CADPS2: variants seen among roughly 807,000 people sequenced by gnomAD.
CADPS2 encodes the protein calcium dependent secretion activator 2.
CADPS2 carries 93 observed loss-of-function variants against 172.5 expected under a neutral mutation model. The ratio of observed to expected loss-of-function variants is 0.54; its 90% CI spans 0.46 to 0.64. CADPS2 has a LOEUF of 0.64. Ranked by LOEUF, CADPS2 falls within the 30% of genes least tolerant of loss-of-function variation. The pLI is 0.00. For synonymous variants in CADPS2, 546 were observed against 555.2 expected, an observed-to-expected ratio of 0.98 and a Z score of 0.23; for missense variants, 1,420 against 1,565.9, an observed-to-expected ratio of 0.91 and a Z score of 1.57.
In CADPS2 at chr7:122,574,246, G is replaced by A. The variant is rs538252971; in HGVS notation, c.1335+6933C>T. ...GGATTTCTTGAGTTCAGGAGTTTGA[G>A]ACCACTCTTGGCAACATAGTAAATC... On this transcript the variant is annotated intron_variant, in intron 7 of 29. Transcript: ENST00000449022. 2.6e-5 allele frequency among the ~76,000 whole-genome samples: 4 copies of A among 151,696 alleles called. No homozygotes were observed. In the South Asian group the frequency reaches 8.3e-4, roughly 32 times the overall value.
intron 20 of CADPS2, among the ~76,000 whole-genome samples, chr7:122,394,572 T>C (rs543108824): frequency 6.6e-6 from 1 of 152,216 alleles, no homozygotes; most frequent in Admixed American, 6.5e-5. Context: ...CAGAAGAACC[T>C]TCCATGGAAG....
At chr7:122,418,036 G>C (rs1377239688) in intron 17 of CADPS2, among the ~76,000 whole-genome samples, 5 of 152,080 alleles carry the variant, frequency 3.3e-5, no homozygotes, top group African/African-American at 1.2e-4. Flanking sequence ...TGGGCCCGGT[G>C]GTGGGCACGT....
At chr7:122,836,830 G>A (rs185605763) in intron 1 of CADPS2, among the ~76,000 whole-genome samples, 145 of 152,210 alleles carry the variant, frequency 9.5e-4, no homozygotes, top group African/African-American at 3.2e-3. Flanking sequence ...ATAATAATGG[G>A]AGACTTTAAC....
At chr7:122,644,752 A>G (rs2078114989) in intron 3 of CADPS2, among the ~76,000 whole-genome samples, 1 of 152,112 alleles carries the variant, frequency 6.6e-6, no homozygotes, top group East Asian at 1.9e-4. Context: ...TTCATACAAC[A>G]AAAAGAACAT....
chr7:122,365,547 C>T (rs182773565), intron 25 of CADPS2, among the ~76,000 whole-genome samples: 112 of 152,298 alleles, frequency 7.4e-4, no homozygotes, highest in Non-Finnish European at 1.4e-3. Flanking sequence ...GGTTTAGTTG[C>T]TGCATCTTTA....
At chr7:122,566,083 A>T (rs1026034308) in intron 7 of CADPS2, among the ~76,000 whole-genome samples, 1 of 152,166 alleles carries the variant, frequency 6.6e-6, no homozygotes, top group Non-Finnish European at 1.5e-5. Flanking sequence ...AATGTCTCCC[A>T]GCTTGATTAA....
In CADPS2 at chr7:122,373,656, G is replaced by A. The variant is rs115723003; in HGVS notation, c.3387+5712C>T. 3.7e-3 allele frequency among the ~76,000 whole-genome samples: 566 copies of A among 151,914 alleles called. 5 individuals are homozygous for A. The highest frequency in any genetic ancestry group is 0.012 in the African/African-American group (508 of 41,434). ...TGCAGATACCAATGTAAGGCTACAGGGATCATGAAGAATCAGGGAAACATG... is the reference window on the plus strand; with the variant it reads ...TGCAGATACCAATGTAAGGCTACAGAGATCATGAAGAATCAGGGAAACATG... On this transcript the variant is annotated intron_variant, in intron 25 of 29. Coordinates refer to ENST00000449022, the MANE Select transcript of CADPS2 (RefSeq NM_017954.11).
chr7:122,731,915 T>C (rs1028574619), intron 2 of CADPS2, among the ~76,000 whole-genome samples: 15 of 151,888 alleles, frequency 9.9e-5, no homozygotes, highest in Admixed American at 2.6e-4. Context: ...TGTGAGAATA[T>C]TGAAGAAATT....
At chr7:122,334,014 T>A (rs1045110755) in intron 28 of CADPS2, among the ~76,000 whole-genome samples, 1 of 151,998 alleles carries the variant, frequency 6.6e-6, no homozygotes, top group African/African-American at 2.4e-5. Flanking sequence ...AGAAAAATAA[T>A]TAAATACACG....
At chr7:122,556,892 G>C (rs544042875) in intron 7 of CADPS2, among the ~76,000 whole-genome samples, 8 of 151,860 alleles carry the variant, frequency 5.3e-5, no homozygotes, top group Admixed American at 6.6e-5. Context: ...TCTTCCTATT[G>C]CTCTTCTTTC....
chr7:122,484,019 C>T (rs982638793), intron 11 of CADPS2, among the ~76,000 whole-genome samples: 25 of 151,984 alleles, frequency 1.6e-4, no homozygotes, highest in Admixed American at 9.8e-4. Flanking sequence ...ATTAAGAAGT[C>T]AGTTTTCCAA....
intron 8 of CADPS2, among the ~76,000 whole-genome samples, chr7:122,529,729 A>AT (rs2061595702): frequency 4.6e-5 from 7 of 152,076 alleles, no homozygotes; most frequent in Admixed American, 4.6e-4. Context: ...AAGGTATGTT[A>AT]TTTTTCCACA....
intron 1 of CADPS2, among the ~76,000 whole-genome samples, chr7:122,837,275 A>G (rs1308169696): frequency 1.3e-5 from 2 of 152,236 alleles, no homozygotes; most frequent in African/African-American, 4.8e-5. Context: ...ACACATTTAA[A>G]GCAGTGGGTA....
At position 122,792,856 on chromosome 7, in the gene CADPS2, T is replaced by C. The variant is rs989732080; in HGVS notation, c.340-55788A>G. On this transcript the variant is annotated intron_variant, in intron 1 of 29. Coordinates refer to ENST00000449022, the MANE Select transcript of CADPS2 (RefSeq NM_017954.11). The stretch of plus-strand genomic sequence containing the variant: ...ACTAACTGCTCACCTAATAGCACTA[T>C]GCTTCTGGCAACTTCTAGTTCAATA... Among the ~76,000 whole-genome samples, 4 of 152,314 alleles carry C rather than the reference T, an allele frequency of 2.6e-5. No homozygotes were observed. In the South Asian group the frequency reaches 6.2e-4, roughly 24 times the overall value.
intron 12 of CADPS2, among the ~76,000 whole-genome samples, chr7:122,477,652 C>T (rs535871655): frequency 1.9e-4 from 29 of 151,880 alleles, no homozygotes; most frequent in African/African-American, 6.5e-4. Context: ...GGCTGAAATG[C>T]TTTTTTAGTA....
intron 1 of CADPS2, among the ~76,000 whole-genome samples, chr7:122,875,860 G>A (rs904310607): frequency 6.6e-6 from 1 of 152,122 alleles, no homozygotes; most frequent in African/African-American, 2.4e-5. Context: ...AATCCTAAAA[G>A]AGAAGCTAGA....
chr7:122,476,613 G>A (rs2056647672), intron 12 of CADPS2, among the ~76,000 whole-genome samples: 1 of 151,932 alleles, frequency 6.6e-6, no homozygotes, highest in Non-Finnish European at 1.5e-5. Context: ...AATTACCATT[G>A]GTGATAAAAA....
At chr7:122,759,039 A>T (rs555049168) in intron 1 of CADPS2, among the ~76,000 whole-genome samples, 112 of 152,288 alleles carry the variant, frequency 7.4e-4, no homozygotes, top group Middle Eastern at 3.4e-3. Context: ...AGGAAAAATA[A>T]TGAGCCAAAA....
intron 2 of CADPS2, among the ~76,000 whole-genome samples, chr7:122,707,394 C>G (rs1238944597): frequency 6.6e-6 from 1 of 151,974 alleles, no homozygotes; most frequent in Non-Finnish European, 1.5e-5. Flanking sequence ...CTGACCTCTA[C>G]CCCTCTGCTA....
Sources: allele counts gnomAD v4.1 joint callset (sites outside exome capture counted in the v4.1 genomes callset), GRCh38; gene constraint gnomAD v4.1.1; transcripts MANE v1.5; gene names NCBI Gene and HGNC (gene_info 2026-07-23, HGNC 2026-07-21).